Variants in FARS2 observed in about 807,000 individuals in gnomAD.
FARS2 encodes phenylalanyl-tRNA synthetase 2, mitochondrial.
FARS2 carries 40 observed loss-of-function variants against 46.4 expected under a neutral mutation model. The observed-to-expected ratio is 0.86, with a 90% CI of 0.67 to 1.12. The LOEUF (loss-of-function observed/expected upper bound fraction) is 1.12. Among genes scored for constraint, FARS2 ranks in the 50% most tolerant of loss-of-function variants. The pLI is 0.00. For missense variants in FARS2, 513 were observed against 567.9 expected (o/e 0.90, Z 0.98); for synonymous variants, 234 against 214.9 (o/e 1.09, Z -0.78).
intron 2 of FARS2, among the ~76,000 whole-genome samples, chr6:5,391,413 T>C (rs7740869): frequency 0.034 from 5,196 of 152,272 alleles, 320 homozygotes; most frequent in African/African-American, 0.12. Context: ...GCAAAGGTAC[T>C]AAACGGTGTG....
intron 1 of FARS2, among the ~76,000 whole-genome samples, chr6:5,338,532 C>T (rs903551221): frequency 3.9e-5 from 6 of 152,160 alleles, no homozygotes; most frequent in African/African-American, 1.4e-4. Flanking sequence ...AGTGACTTTC[C>T]TCATGCTCTT....
At chr6:5,625,508 G>C (rs1158965416) in intron 6 of FARS2, among the ~76,000 whole-genome samples, 42 of 152,338 alleles carry the variant, frequency 2.8e-4, no homozygotes, top group African/African-American at 9.6e-5. Context: ...TCAGCCCCGG[G>C]GGGAGGGACT....
intron 6 of FARS2, among the ~76,000 whole-genome samples, chr6:5,619,825 C>G (rs1775671251): frequency 1.3e-5 from 2 of 152,168 alleles, no homozygotes; most frequent in South Asian, 4.2e-4. Flanking sequence ...TCTCTTCATT[C>G]TTTTTTCCAT....
At chr6:5,436,287 C>T (rs9392686) in intron 4 of FARS2, among the ~76,000 whole-genome samples, 60,582 of 152,102 alleles carry the variant, frequency 0.4, 12,745 homozygotes, top group Non-Finnish European at 0.46. Flanking sequence ...TTTCCTATAT[C>T]AGCATGAATC....
intron 5 of FARS2, among the ~76,000 whole-genome samples, chr6:5,579,663 A>T (rs1773212750): frequency 6.6e-6 from 1 of 152,196 alleles, no homozygotes; most frequent in East Asian, 1.9e-4. Flanking sequence ...TGTCCATTAG[A>T]ACATGCTTTA....
At chr6:5,388,917 C>T (rs923141909) in intron 2 of FARS2, among the ~76,000 whole-genome samples, 5 of 151,952 alleles carry the variant, frequency 3.3e-5, no homozygotes, top group African/African-American at 1.2e-4. Flanking sequence ...TTAAAAAATC[C>T]CTTTTGTCAT....
chr6:5,546,944 T>TTTA (rs1285195213), intron 5 of FARS2, among the ~76,000 whole-genome samples: 4 of 151,862 alleles, frequency 2.6e-5, no homozygotes, highest in Admixed American at 6.6e-5. Flanking sequence ...TTTATTTTAT[T>TTTA]TTATTTTATT....
chr6:5,344,835 C>G (rs886077373), intron 1 of FARS2, among the ~76,000 whole-genome samples: 2 of 150,762 alleles, frequency 1.3e-5, no homozygotes, highest in Admixed American at 6.6e-5. Context: ...GTTACCCAGA[C>G]TGGAGTGCAG....
At chr6:5,607,279 ATATGTATGTGTG>A (rs1352518024) in intron 5 of FARS2, among the ~76,000 whole-genome samples, 15 of 105,086 alleles carry the variant, frequency 1.4e-4, no homozygotes, top group African/African-American at 4.7e-4. Flanking sequence ...TTAAAGAATA[ATATGTATGTGTG>A]TGTGTGTGTG....
chr6:5,759,373 T>A (rs1762373315), intron 6 of FARS2, among the ~76,000 whole-genome samples: 1 of 152,220 alleles, frequency 6.6e-6, no homozygotes, highest in Non-Finnish European at 1.5e-5. Context: ...TTTACATTTC[T>A]TTGTAATTCT....
Position 5,596,295 on chromosome 6 carries a change from A to G in FARS2, c.1066-16874A>G, listed in dbSNP as rs1343626509. On this transcript the variant is annotated intron_variant, in intron 5 of 6. Coordinates refer to ENST00000274680, the MANE Select transcript of FARS2 (RefSeq NM_006567.5). ...TTTGATCCCAGCTCTCCTCTCGCTC[A>G]TTAACCGTGCACCCCTGAGTGCAGT... Among the ~76,000 whole-genome samples, 10 of 152,316 alleles carry G rather than the reference A, an allele frequency of 6.6e-5. No individual in the cohort carries two copies. In the South Asian group the frequency reaches 2.1e-3, roughly 32 times the overall value.
At chr6:5,324,147 C>G (rs1359431064) in intron 1 of FARS2, among the ~76,000 whole-genome samples, 11 of 152,212 alleles carry the variant, frequency 7.2e-5, no homozygotes, top group Middle Eastern at 3.2e-3. Context: ...CAGGTTTTAT[C>G]TAAAGTAAAC....
chr6:5,619,861 A>G (rs1263979194), intron 6 of FARS2, among the ~76,000 whole-genome samples: 1 of 151,994 alleles, frequency 6.6e-6, no homozygotes, highest in Non-Finnish European at 1.5e-5. Flanking sequence ...CACTTTGTCA[A>G]ATTACACCCA....
At chr6:5,356,477 ATAGAT>A (rs1381632476) in intron 1 of FARS2, among the ~76,000 whole-genome samples, 7 of 152,132 alleles carry the variant, frequency 4.6e-5, no homozygotes, top group African/African-American at 1.7e-4. Flanking sequence ...TGATAGATAG[ATAGAT>A]TAGATAGATT....
intron 1 of FARS2, among the ~76,000 whole-genome samples, chr6:5,304,572 G>A (rs1254682155): frequency 2.0e-5 from 3 of 152,146 alleles, no homozygotes; most frequent in Non-Finnish European, 4.4e-5. Flanking sequence ...AAAGGCATTC[G>A]TTTCCCAGAT....
At chr6:5,677,685 G>A (rs1350000693) in intron 6 of FARS2, among the ~76,000 whole-genome samples, 1 of 152,198 alleles carries the variant, frequency 6.6e-6, no homozygotes, top group Non-Finnish European at 1.5e-5. Context: ...TAGTCAAAGA[G>A]TCAAAGGCAA....
At chr6:5,297,587 G>A (rs1295086138) in intron 1 of FARS2, among the ~76,000 whole-genome samples, 2 of 152,086 alleles carry the variant, frequency 1.3e-5, no homozygotes, top group African/African-American at 4.8e-5. Context: ...GGCGGAGGTT[G>A]CAGTGAGCCA....
At chr6:5,527,451 T>A in intron 4 of FARS2, among the ~76,000 whole-genome samples, 1 of 152,244 alleles carries the variant, frequency 6.6e-6, no homozygotes, top group South Asian at 2.1e-4. Flanking sequence ...TTTTGATAAC[T>A]CTTGTTAATA....
chr6:5,282,305 C>T (rs1030014257), intron 1 of FARS2, among the ~76,000 whole-genome samples: 1 of 152,182 alleles, frequency 6.6e-6, no homozygotes, highest in Non-Finnish European at 1.5e-5. Flanking sequence ...AAGGAAGCAG[C>T]AGCAAGCAGG....
Sources: gnomAD v4.1 joint callset for allele counts (sites outside exome capture counted in the v4.1 genomes callset) on GRCh38, gnomAD v4.1.1 for gene constraint, MANE v1.5 for transcripts, NCBI Gene and HGNC (gene_info 2026-07-23, HGNC 2026-07-21) for gene names.